Variants in ADAD1 observed in about 807,000 individuals in gnomAD.
ADAD1 encodes the protein adenosine deaminase domain-containing protein 1.
A neutral mutation model predicts 66.8 loss-of-function variants in ADAD1; 46 were observed. The observed-to-expected ratio is 0.69, with a 90% CI of 0.54 to 0.88. The LOEUF (loss-of-function observed/expected upper bound fraction) is 0.88, where lower values mean the gene tolerates loss of function less well. ADAD1 is among the 40% of genes least tolerant of loss of function. The pLI, the probability that ADAD1 is intolerant of heterozygous loss-of-function variation, is 0.00. For synonymous variants in ADAD1, 248 were observed against 229.4 expected, an observed-to-expected ratio of 1.08 and a Z score of -0.73; for missense variants, 617 against 681.8, an observed-to-expected ratio of 0.91 and a Z score of 1.06.
At chr4:122,406,483 T>G (rs1796218099) in intron 7 of ADAD1, among the ~76,000 whole-genome samples, 1 of 152,204 alleles carries the variant, frequency 6.6e-6, no homozygotes, top group Non-Finnish European at 1.5e-5. Context: ...GAGATATGGT[T>G]TGCAAATATT....
At chr4:122,383,287 C>G (rs941270071) in intron 4 of ADAD1, among the ~76,000 whole-genome samples, 1 of 152,252 alleles carries the variant, frequency 6.6e-6, no homozygotes, top group African/African-American at 2.4e-5. Flanking sequence ...TTATAATGCC[C>G]TGATAGTACA....
chr4:122,408,816 G>A (rs1012174386), intron 8 of ADAD1, among the ~76,000 whole-genome samples: 1 of 151,830 alleles, frequency 6.6e-6, no homozygotes. Context: ...CCAGAAAATC[G>A]AGGTTGCAGT....
chr4:122,410,023 C>A (rs955760009), intron 8 of ADAD1, among the ~76,000 whole-genome samples: 1 of 152,172 alleles, frequency 6.6e-6, no homozygotes. Flanking sequence ...AATAGGATAA[C>A]AAATTCTCAT....
intron 7 of ADAD1, among the ~76,000 whole-genome samples, chr4:122,400,871 T>C (rs1795941009): frequency 6.6e-6 from 1 of 152,120 alleles, no homozygotes; most frequent in African/African-American, 2.4e-5. Context: ...GTTGAGCTTA[T>C]TTGGATCTTG....
intron 6 of ADAD1, 46 bp from the exon 7 acceptor site, chr4:122,396,206 G>A: frequency 2.7e-6 from 4 of 1,506,528 alleles, no homozygotes; most frequent in Non-Finnish European, 3.5e-6. Context: ...GACAGCTCTA[G>A]GAGGAGCACA....
At position 122,424,980 on chromosome 4, in the gene ADAD1, T is replaced by C. The variant is rs546143176; in HGVS notation, c.1617+3590T>C. On this transcript the variant is annotated intron_variant, in intron 12 of 12. Transcript: ENST00000296513. ...AAATATTGCTAGAGACAGAGCAACA[T>C]CTTACAGTGGTAAAAAGGTCAATAC... Among the ~76,000 whole-genome samples the C allele has an allele frequency of 1.2e-3, 189 of 152,162 alleles. 1 individual carries two copies. The highest frequency in any genetic ancestry group is 8.9e-3 in the South Asian group (43 of 4,822).
chr4:122,399,740 C>CTTTT (rs145100591), intron 7 of ADAD1, among the ~76,000 whole-genome samples: 15 of 110,522 alleles, frequency 1.4e-4, no homozygotes, highest in Admixed American at 1.8e-4. Context: ...ATTTTCTTTT[C>CTTTT]TTTTTTTTTT....
chr4:122,420,328 A>T (rs1464543039), intron 11 of ADAD1, among the ~76,000 whole-genome samples: 1 of 152,162 alleles, frequency 6.6e-6, no homozygotes, highest in Non-Finnish European at 1.5e-5. Context: ...TTTCCCACAC[A>T]TCTGGGGTCA....
intron 7 of ADAD1, among the ~76,000 whole-genome samples, chr4:122,401,649 T>TTA (rs1795983605): frequency 1.3e-5 from 2 of 152,104 alleles, no homozygotes; most frequent in African/African-American, 4.8e-5. Context: ...TAGGTAGTAG[T>TTA]AATTATTTTA....
intron 4 of ADAD1, among the ~76,000 whole-genome samples, chr4:122,383,174 GT>G (rs751674241): frequency 5.3e-5 from 8 of 152,058 alleles, no homozygotes; most frequent in African/African-American, 1.4e-4. Flanking sequence ...TGGACATTCA[GT>G]TTAATTCTTT....
intron 3 of ADAD1, 85 bp downstream of exon 3, chr4:122,380,326 A>G: frequency 6.7e-7 from 1 of 1,483,224 alleles, no homozygotes; most frequent in East Asian, 2.3e-5. Context: ...TCTGGTTTAA[A>G]GGTTTCGTGG....
At chr4:122,401,668 T>G (rs943323027) in intron 7 of ADAD1, among the ~76,000 whole-genome samples, 1 of 152,086 alleles carries the variant, frequency 6.6e-6, no homozygotes. Flanking sequence ...TATAAATTTG[T>G]GAGCTCCAGT....
At chr4:122,408,429 A>G (rs1024645338) in intron 8 of ADAD1, among the ~76,000 whole-genome samples, 2 of 152,158 alleles carry the variant, frequency 1.3e-5, no homozygotes, top group Admixed American at 1.3e-4. Context: ...GCATGCGCCA[A>G]CACACCCGGC....
Position 122,412,791 on chromosome 4 carries a change from A to G in ADAD1, c.1231A>G (p.Ile411Val). 15 of 1,613,768 alleles carry G rather than the reference A, an allele frequency of 9.3e-6. No homozygotes were observed. The highest frequency in any genetic ancestry group is 1.3e-5 in the Non-Finnish European group (15 of 1,179,710). Residue 411 changes from isoleucine to valine, a missense_variant, in exon 10 of 13, where the codon ATC (isoleucine) becomes GTC (valine). Physicochemically the swap from Ile to Val is conservative, Grantham distance 29. Coordinates refer to ENST00000296513, the MANE Select transcript of ADAD1 (RefSeq NM_139243.4). ...GAGTCATTTTATACAGCCAGTTTAC[A>G]TCAGCAGTATACTTATTGGTGAGTG... The part of the protein sequence containing the change: ...LLSHFIQPVY[I>V]SSILIGDGNC...
At chr4:122,423,528 A>G (rs1368399185) in intron 12 of ADAD1, among the ~76,000 whole-genome samples, 1 of 152,232 alleles carries the variant, frequency 6.6e-6, no homozygotes, top group Non-Finnish European at 1.5e-5. Context: ...AGAAGATGGT[A>G]GAAGTTTTAC....
At chr4:122,418,849 C>T (rs932512395) in intron 11 of ADAD1, among the ~76,000 whole-genome samples, 2 of 152,112 alleles carry the variant, frequency 1.3e-5, no homozygotes, top group Non-Finnish European at 2.9e-5. Flanking sequence ...TCACACCAAT[C>T]AGAATGGCTA....
At chr4:122,425,877 C>T (rs1259115141) in intron 12 of ADAD1, among the ~76,000 whole-genome samples, 1 of 151,812 alleles carries the variant, frequency 6.6e-6, no homozygotes, top group Non-Finnish European at 1.5e-5. Flanking sequence ...AAATGTATAG[C>T]TTTAAATGCT....
At position 122,429,669 on chromosome 4, in the gene ADAD1, C is replaced by G; in HGVS notation, c.1661C>G (p.Ser554Cys). 1 of 1,613,320 alleles carries G rather than the reference C, an allele frequency of 6.2e-7. No homozygotes were observed. ...SYQEAKCKLK[S>C]YLQQHGYGSW... The stretch of plus-strand genomic sequence containing the variant: ...CAAGAAGCTAAATGTAAGTTGAAAT[C>G]CTACTTACAACAACATGGCTATGGA... Residue 554 changes from serine (S) to cysteine (C), a missense_variant, in exon 13 of 13, where the codon TCC (serine) becomes TGC (cysteine). By Grantham distance (112) the Ser-to-Cys change is moderately radical. Coordinates refer to ENST00000296513, the MANE Select transcript of ADAD1 (RefSeq NM_139243.4).
rs571356524 is a variant in ADAD1 at position 122,395,231 on chromosome 4, A to C, written c.599-1021A>C. 4.6e-5 allele frequency among the ~76,000 whole-genome samples: 7 copies of C among 152,006 alleles called. No homozygotes were observed. In the South Asian group the frequency reaches 1.2e-3, roughly 27 times the overall value. On this transcript the variant is annotated intron_variant, in intron 6 of 12. Coordinates refer to ENST00000296513, the MANE Select transcript of ADAD1 (RefSeq NM_139243.4). ...ATGCCTGGCTAATTTTTGCATTTTT[A>C]GTAGAGACAGGGTTTCACCATGTAG... is the stretch of plus-strand genomic sequence containing the variant.
Sources: gnomAD v4.1 joint callset for allele counts (sites outside exome capture counted in the v4.1 genomes callset) on GRCh38, gnomAD v4.1.1 for gene constraint, MANE v1.5 for transcripts, NCBI Gene and HGNC (gene_info 2026-07-23, HGNC 2026-07-21) for gene names.